Variants in CR2 observed in about 807,000 individuals in gnomAD.
CR2 encodes the protein complement receptor type 2.
A neutral mutation model predicts 123.0 loss-of-function variants in CR2; 96 were observed. That is an observed-to-expected ratio of 0.78 (90% CI 0.66 to 0.93). The LOEUF is 0.93. Among genes scored for constraint, CR2 ranks in the 40% least tolerant of loss-of-function variants. The pLI is 0.00. For missense variants in CR2, 1,258 were observed against 1,361.0 expected, an observed-to-expected ratio of 0.92 and a Z score of 1.19; for synonymous variants, 484 against 469.5, an observed-to-expected ratio of 1.03 and a Z score of -0.40.
At chr1:207,468,214 A>T (rs1658157221) in intron 2 of CR2, 1 of 401,014 alleles carries the variant, frequency 2.5e-6, no homozygotes, top group South Asian at 2.3e-5. Context: ...ATTTATTTAA[A>T]TCCATATCCT....
intron 16 of CR2, among the ~76,000 whole-genome samples, 195 bp from the exon 17 acceptor site, chr1:207,479,062 G>A (rs1464249435): frequency 6.6e-6 from 1 of 152,090 alleles, no homozygotes; most frequent in African/African-American, 2.4e-5. Context: ...GAGCTCAAGT[G>A]ATCTTCCCAC....
Position 207,466,690 on chromosome 1 carries a change from T to C in CR2, c.223T>C (p.Trp75Arg). The change falls in exon 2 of 20, where the codon TGG becomes CGG. Residue 75 changes from tryptophan (W) to arginine (R), a missense_variant. By Grantham distance (101) the Trp-to-Arg change is moderately radical. Transcript: ENST00000367057. Reference protein sequence around the residue: ...CITKDKVDGTWDKPAPKCEYF... With the variant: ...CITKDKVDGTRDKPAPKCEYF... ...AACTAAAGACAAAGTGGATGGAACC[T>C]GGGATAAACCTGCTCCTAAATGTGA... 1.2e-6 allele frequency: 2 copies of C among 1,614,136 alleles called. No individual in the cohort carries two copies. The highest frequency in any genetic ancestry group is 1.7e-6 in the Non-Finnish European group (2 of 1,179,998).
chr1:207,467,076 T>C (rs1170339361), intron 2 of CR2, among the ~76,000 whole-genome samples, 164 bp downstream of exon 2: 2 of 152,174 alleles, frequency 1.3e-5, no homozygotes, highest in Admixed American at 1.3e-4. Flanking sequence ...CGTGGAGGCA[T>C]ATAACTGCTC....
intron 6 of CR2, 127 bp from the exon 7 acceptor site, chr1:207,470,613 A>G (rs1321215527): frequency 1.1e-6 from 1 of 885,714 alleles, no homozygotes. Flanking sequence ...GGTCTGCAAC[A>G]TATGTTCTGT....
At position 207,468,869 on chromosome 1, in the gene CR2, G is replaced by A; in HGVS notation, c.704G>A (p.Gly235Asp). 1 of 1,614,008 alleles carries A rather than the reference G, an allele frequency of 6.2e-7. No individual in the cohort carries two copies. The highest frequency in any genetic ancestry group is 8.5e-7 in the Non-Finnish European group (1 of 1,179,928). Residue 235 changes from glycine (G) to aspartate (D), a missense_variant, in exon 4 of 20, where the codon GGT becomes GAT. By Grantham distance (94) the Gly-to-Asp change is moderately conservative (BLOSUM62 -1). Coordinates refer to ENST00000367057, the MANE Select transcript of CR2 (RefSeq NM_001006658.3). The part of the protein sequence containing the change: ...KVKEPPILRV[G>D]VTANFFCDEG... Reference sequence around the variant, plus strand: ...AAGGAGCCTCCAATTCTCCGGGTTGGTGTAACTGCAAACTTTTTCTGTGAT... The same window carrying A: ...AAGGAGCCTCCAATTCTCCGGGTTGATGTAACTGCAAACTTTTTCTGTGAT...
At chr1:207,460,031 T>C (rs1340766268) in intron 1 of CR2, among the ~76,000 whole-genome samples, 1 of 152,216 alleles carries the variant, frequency 6.6e-6, no homozygotes, top group African/African-American at 2.4e-5. Context: ...TCTTCGTCCA[T>C]GTCATTGCCA....
intron 19 of CR2, among the ~76,000 whole-genome samples, 193 bp downstream of exon 19, chr1:207,485,765 A>ATCCC (rs2102315355): frequency 6.6e-6 from 1 of 152,338 alleles, no homozygotes; most frequent in East Asian, 1.9e-4. Context: ...TAATCCATTC[A>ATCCC]TCCATTCAAC....
At chr1:207,468,993 T>A in intron 4 of CR2, 94 bp downstream of exon 4, 1 of 1,456,262 alleles carries the variant, frequency 6.9e-7, no homozygotes. Context: ...TCTGTGAGGA[T>A]CTCTGGGCAG....
rs150622293 is a variant in CR2 at position 207,469,155 on chromosome 1, G to A, written c.740G>A (p.Arg247Gln). Residue 247 changes from arginine to glutamine, a missense_variant, in exon 5 of 20, where the codon CGA (arginine) becomes CAA (glutamine). Arg to Gln is a conservative substitution (Grantham distance 43, BLOSUM62 1). Coordinates refer to ENST00000367057, the MANE Select transcript of CR2 (RefSeq NM_001006658.3). ...TANFFCDEGY[R>Q]LQGPPSSRCV... is the part of the protein sequence containing the mutation. The stretch of plus-strand genomic sequence containing the variant: ...TGACAACCTTCTGTCTCCAGGTATC[G>A]ACTGCAAGGCCCACCTTCTAGTCGG... 3.2e-5 allele frequency: 51 copies of A among 1,613,774 alleles called. No individual in the cohort carries two copies. Among genetic ancestry groups the A allele is most frequent in the South Asian group, 4.4e-5 (4 of 91,054 alleles).
At chr1:207,457,665 T>C (rs1262847573) in intron 1 of CR2, among the ~76,000 whole-genome samples, 1 of 152,230 alleles carries the variant, frequency 6.6e-6, no homozygotes, top group East Asian at 1.9e-4. Context: ...TGTTAATCTT[T>C]CTCAGTCTTT....
intron 18 of CR2, among the ~76,000 whole-genome samples, chr1:207,485,254 T>C (rs1468303265): frequency 6.6e-6 from 1 of 152,084 alleles, no homozygotes; most frequent in Non-Finnish European, 1.5e-5. Flanking sequence ...GGTTGTTGGG[T>C]GCAGCAAACC....
At chr1:207,465,415 A>G (rs1658069917) in intron 1 of CR2, among the ~76,000 whole-genome samples, 2 of 152,224 alleles carry the variant, frequency 1.3e-5, no homozygotes, top group South Asian at 4.1e-4. Flanking sequence ...ATACATATAT[A>G]TATATATAAT....
chr1:207,474,198 G>T (rs760572034), intron 12 of CR2, 43 bp from the exon 13 acceptor site: 3 of 1,423,108 alleles, frequency 2.1e-6, no homozygotes, highest in Non-Finnish European at 3.0e-6. Flanking sequence ...GAAGAGATAT[G>T]ATATTGGGAA....
At position 207,477,980 on chromosome 1, in the gene CR2, T is replaced by C; in HGVS notation, c.2998T>C (p.Cys1000Arg). Residue 1000 changes from cysteine to arginine, a missense_variant, in exon 16 of 20, where the codon TGT (cysteine) becomes CGT (arginine). Cys to Arg is a radical substitution (Grantham distance 180, BLOSUM62 -3). Transcript: ENST00000367057. ...GTATGGAGCTGTTGTAACTCTGGAGTGTGAAGATGGGTATATGCTGGAAGG... is the reference window on the plus strand; with the variant it reads ...GTATGGAGCTGTTGTAACTCTGGAGCGTGAAGATGGGTATATGCTGGAAGG... ...YQYGAVVTLE[C>R]EDGYMLEGSP... The C allele has an allele frequency of 6.2e-7, 1 of 1,613,356 alleles. No individual in the cohort carries two copies. The highest frequency in any genetic ancestry group is 8.5e-7 in the Non-Finnish European group (1 of 1,179,786).
chr1:207,485,281 A>G (rs1426058281), intron 18 of CR2, among the ~76,000 whole-genome samples, 183 bp from the exon 19 acceptor site: 3 of 152,202 alleles, frequency 2.0e-5, no homozygotes, highest in African/African-American at 4.8e-5. Flanking sequence ...GCACATGTAT[A>G]CCTATGTAAC....
In CR2 at chr1:207,473,164, C is replaced by A. The variant is rs1658335098; in HGVS notation, c.1963C>A (p.Pro655Thr). 6.2e-7 allele frequency: 1 copy of A among 1,613,746 alleles called. No individual in the cohort carries two copies. The highest frequency in any genetic ancestry group is 1.3e-5 in the African/African-American group (1 of 74,982). ...TGATAACACCTGGGATCCTGAAATA[C>A]CAGTTTGTGAAAAAGGTAAAAACCC... ...KADNTWDPEI[P>T]VCEKGCQSPP... The change falls in exon 10 of 20, where the codon CCA (proline) becomes ACA (threonine). Residue 655 changes from proline to threonine, a missense_variant. Pro to Thr is a conservative substitution (Grantham distance 38). Transcript: ENST00000367057.
chr1:207,460,781 T>A (rs1657945497), intron 1 of CR2, among the ~76,000 whole-genome samples: 1 of 152,124 alleles, frequency 6.6e-6, no homozygotes, highest in Non-Finnish European at 1.5e-5. Context: ...TTACTTTAAG[T>A]CACAGGAATC....
chr1:207,454,608 G>A lies in CR2; in HGVS notation c.58+132G>A. 1.4e-6 allele frequency: 1 copy of A among 703,652 alleles called. No homozygotes were observed. The highest frequency in any genetic ancestry group is 2.3e-6 in the Non-Finnish European group (1 of 435,494). 43.6% of individuals were successfully genotyped at this position (703,652 alleles called of 1,614,324 possible). ...CTCGACGCGTGTCCGCCTCCCGCTA[G>A]CTTTGAGGGACCACTGCAATAAACC... is the stretch of plus-strand genomic sequence containing the variant. On this transcript the variant is annotated intron_variant, in intron 1 of 19. Transcript: ENST00000367057. The surrounding 1 kb of genome is among the most constrained non-coding windows in gnomAD (Gnocchi z 4.3).
At position 207,468,824 on chromosome 1, in the gene CR2, G is replaced by T. The variant is rs147633291; in HGVS notation, c.659G>T (p.Arg220Leu). ...CEEARCKSLG[R>L]FPNGKVKEPP... ...GAGGCACGCTGTAAATCTCTAGGAC[G>T]ATTTCCCAATGGGAAGGTAAAGGAG... Residue 220 changes from arginine (R) to leucine (L), a missense_variant, in exon 4 of 20, where the codon CGA becomes CTA. Arg to Leu is a moderately radical substitution (Grantham distance 102). Transcript: ENST00000367057. The T allele has an allele frequency of 1.9e-6, 3 of 1,613,858 alleles. No homozygotes were observed. The highest frequency in any genetic ancestry group is 2.5e-6 in the Non-Finnish European group (3 of 1,179,924).
Sources: gnomAD v4.1 joint callset for allele counts (sites outside exome capture counted in the v4.1 genomes callset) on GRCh38, gnomAD v4.1.1 for gene constraint, Gnocchi (gnomAD v3.1) non-coding constraint, MANE v1.5 for transcripts, NCBI Gene and HGNC (gene_info 2026-07-23, HGNC 2026-07-21) for gene names.